Variants in TENM4 observed in about 807,000 individuals in gnomAD.
TENM4 encodes teneurin transmembrane protein 4.
Under a neutral mutation model 243.3 loss-of-function variants are expected in TENM4, and 82 were observed. That is an observed-to-expected ratio of 0.34 (90% CI 0.28 to 0.40). The LOEUF (loss-of-function observed/expected upper bound fraction) is 0.40, where lower values mean the gene tolerates loss of function less well. Ranked by LOEUF, TENM4 falls within the 10% of genes least tolerant of loss-of-function variation. TENM4 has a pLI of 1.00. For synonymous variants in TENM4, 1,412 were observed against 1,456.3 expected (o/e 0.97, Z 0.69); for missense variants, 3,138 against 3,673.3 (o/e 0.85, Z 3.77).
intron 9 of TENM4, among the ~76,000 whole-genome samples, chr11:78,867,402 A>C (rs1032642318): frequency 6.6e-6 from 1 of 152,196 alleles, no homozygotes; most frequent in Non-Finnish European, 1.5e-5. Flanking sequence ...TCTGTGATCC[A>C]AGGTTTTAAA....
intron 12 of TENM4, among the ~76,000 whole-genome samples, chr11:78,817,463 T>C (rs1857632105): frequency 6.6e-6 from 1 of 152,174 alleles, no homozygotes; most frequent in African/African-American, 2.4e-5. Context: ...CAAAATGGTC[T>C]GGGTCCCAGC....
At chr11:78,762,750 C>T (rs1941380) in intron 18 of TENM4, among the ~76,000 whole-genome samples, 14,571 of 152,110 alleles carry the variant, frequency 0.096, 2,323 homozygotes, top group African/African-American at 0.33. Context: ...TGAGTAAAAC[C>T]CTCTTTTTAT....
Position 78,669,677 on chromosome 11 carries a change from A to G in TENM4, c.6668T>C (p.Leu2223Pro), listed in dbSNP as rs950098538. 1 of 1,613,894 alleles carries G rather than the reference A, an allele frequency of 6.2e-7. No homozygotes were observed. The highest frequency in any genetic ancestry group is 8.5e-7 in the Non-Finnish European group (1 of 1,179,904). ...ACTGTTCCCAGGGCTCAGTAAGTGCAGGTTCCCATTGAGGTCGTAGCTGTA... is the reference window on the plus strand; with the variant it reads ...ACTGTTCCCAGGGCTCAGTAAGTGCGGGTTCCCATTGAGGTCGTAGCTGTA... Reference protein sequence around the residue: ...WRYSYDLNGNLHLLSPGNSAR... With the variant: ...WRYSYDLNGNPHLLSPGNSAR... Residue 2223 changes from leucine to proline, a missense_variant, in exon 32 of 34, where the codon CTG becomes CCG. Leu to Pro is a moderately conservative substitution (Grantham distance 98). This residue lies in a region of TENM4 where 2,467 missense variants were observed against 3,059.1 expected (regional missense o/e 0.81). Coordinates refer to ENST00000278550, the MANE Select transcript of TENM4 (RefSeq NM_001098816.3). The surrounding 1 kb of genome is among the most constrained non-coding windows in gnomAD (Gnocchi z 6.4).
intron 2 of TENM4, among the ~76,000 whole-genome samples, chr11:79,224,335 G>A (rs559392539): frequency 7.9e-5 from 12 of 152,138 alleles, no homozygotes; most frequent in Middle Eastern, 3.4e-3. Flanking sequence ...TTCCAGACCC[G>A]GTTTCTTCCC....
At chr11:78,756,325 G>C (rs143320832) in intron 19 of TENM4, 1,954 of 181,092 alleles carry the variant, frequency 0.011, 19 homozygotes, top group Non-Finnish European at 0.016. Context: ...ACAGACCTCC[G>C]TATAAAATTG....
chr11:78,794,923 T>C (rs1354870645), intron 15 of TENM4, among the ~76,000 whole-genome samples: 1 of 152,210 alleles, frequency 6.6e-6, no homozygotes, highest in Non-Finnish European at 1.5e-5. Flanking sequence ...CACAGTGACA[T>C]GCATGTCAGT....
In TENM4 at chr11:79,414,959, C is replaced by T. The variant is rs116628122; in HGVS notation, c.-321+25550G>A. 2.6e-3 allele frequency among the ~76,000 whole-genome samples: 392 copies of T among 152,288 alleles called. 1 individual carries two copies. The highest frequency in any genetic ancestry group is 9.0e-3 in the African/African-American group (372 of 41,558). On this transcript the variant is annotated intron_variant, in intron 1 of 33. Coordinates refer to ENST00000278550, the MANE Select transcript of TENM4 (RefSeq NM_001098816.3). ...TTGCCACCGTTCTATCTGTGGAAAG[C>T]GGCCTGGCTTAGGGGAGAGGCCTCG...
chr11:79,294,577 G>A (rs762028924), intron 2 of TENM4, among the ~76,000 whole-genome samples: 4 of 151,996 alleles, frequency 2.6e-5, no homozygotes, highest in Non-Finnish European at 5.9e-5. Flanking sequence ...GGCCAGGCGC[G>A]GTGGCTTGTG....
intron 1 of TENM4, among the ~76,000 whole-genome samples, chr11:79,380,776 C>T (rs35597133): frequency 5.8e-4 from 88 of 152,252 alleles, no homozygotes; most frequent in Admixed American, 1.6e-3. Flanking sequence ...TTCATTCTTA[C>T]GGAAAGGCAA....
chr11:79,414,043 AT>A (rs1858759626), intron 1 of TENM4, among the ~76,000 whole-genome samples: 1 of 152,048 alleles, frequency 6.6e-6, no homozygotes, highest in Non-Finnish European at 1.5e-5. Flanking sequence ...GATACGTATA[AT>A]TTATCTCTAT....
intron 4 of TENM4, among the ~76,000 whole-genome samples, chr11:79,087,780 C>A (rs1446123879): frequency 6.6e-6 from 1 of 152,196 alleles, no homozygotes; most frequent in Non-Finnish European, 1.5e-5. Flanking sequence ...AGGAGGGGCC[C>A]CTGACTCTAG....
intron 2 of TENM4, among the ~76,000 whole-genome samples, chr11:79,277,194 C>A (rs115002180): frequency 6.6e-6 from 1 of 152,098 alleles, no homozygotes; most frequent in Non-Finnish European, 1.5e-5. Context: ...TTTTCAGACA[C>A]GAGATTTATG....
chr11:79,266,998 C>T (rs185876432), intron 2 of TENM4, among the ~76,000 whole-genome samples: 120 of 152,248 alleles, frequency 7.9e-4, no homozygotes, highest in Middle Eastern at 3.4e-3. Context: ...TTTCATTCTT[C>T]ACCCACCCAA....
At chr11:79,071,666 A>G (rs1025487113) in intron 4 of TENM4, among the ~76,000 whole-genome samples, 8 of 152,218 alleles carry the variant, frequency 5.3e-5, no homozygotes, top group Admixed American at 1.3e-4. Flanking sequence ...GCCTTTGACC[A>G]TGGACATCAG....
chr11:78,854,057 CA>C, intron 12 of TENM4, 46 bp downstream of exon 12: 1 of 1,519,676 alleles, frequency 6.6e-7, no homozygotes, highest in Non-Finnish European at 8.9e-7. Context: ...AGCCTCCGAC[CA>C]AAAGAGACAA....
intron 1 of TENM4, among the ~76,000 whole-genome samples, chr11:79,327,467 A>G (rs1286211316): frequency 6.6e-6 from 1 of 152,164 alleles, no homozygotes; most frequent in Admixed American, 6.5e-5. Flanking sequence ...TCTAAAAGAC[A>G]TCCATATTTA....
chr11:79,391,869 A>G (rs1191806886), intron 1 of TENM4, among the ~76,000 whole-genome samples: 3 of 152,222 alleles, frequency 2.0e-5, no homozygotes, highest in Non-Finnish European at 2.9e-5. Flanking sequence ...TATTATTTCT[A>G]TGGGACAGCT....
chr11:79,398,375 C>G (rs1465869968), intron 1 of TENM4, among the ~76,000 whole-genome samples: 4 of 152,102 alleles, frequency 2.6e-5, no homozygotes, highest in Admixed American at 1.3e-4. Flanking sequence ...GTTCATCCAG[C>G]CTTACCTCTC....
At chr11:79,334,346 G>A (rs1857112887) in intron 1 of TENM4, among the ~76,000 whole-genome samples, 1 of 152,158 alleles carries the variant, frequency 6.6e-6, no homozygotes. Context: ...CCTAGGCCAG[G>A]TGCCAGGAGA....
Sources: allele counts gnomAD v4.1 joint callset (sites outside exome capture counted in the v4.1 genomes callset), GRCh38; gene constraint gnomAD v4.1.1; regional missense constraint gnomAD v4.1.1; non-coding constraint Gnocchi (gnomAD v3.1); transcripts MANE v1.5; gene names NCBI Gene and HGNC (gene_info 2026-07-23, HGNC 2026-07-21).